Variants in RGS6 observed in about 807,000 individuals in gnomAD.
RGS6 encodes regulator of G-protein signaling 6.
A neutral mutation model predicts 78.5 loss-of-function variants in RGS6; 30 were observed. The observed-to-expected ratio is 0.38, with a 90% confidence interval of 0.29 to 0.52. The LOEUF is 0.52. RGS6 is among the 20% of genes least tolerant of loss of function. The pLI is 0.85. For synonymous variants in RGS6, 206 were observed against 206.0 expected, an observed-to-expected ratio of 1.00 and a Z score of 0.00; for missense variants, 495 against 609.7, an observed-to-expected ratio of 0.81 and a Z score of 1.98.
intron 1 of RGS6, among the ~76,000 whole-genome samples, chr14:71,961,207 G>A (rs74060423): frequency 9.2e-5 from 14 of 152,260 alleles, no homozygotes; most frequent in African/African-American, 3.4e-4. Flanking sequence ...AGAGGAGATG[G>A]GCTGGGATAT....
chr14:72,605,598 C>T, the RGS6 span, among the ~76,000 whole-genome samples: 1 of 152,224 alleles, frequency 6.6e-6, no homozygotes, highest in African/African-American at 2.4e-5. Context: ...CAGCAGAACA[C>T]CAAGACAGGC....
chr14:72,507,813 C>T (rs1206319040), intron 13 of RGS6, among the ~76,000 whole-genome samples: 1 of 152,226 alleles, frequency 6.6e-6, no homozygotes, highest in African/African-American at 2.4e-5. Context: ...AGTACCATCC[C>T]TGGAGAGCCC....
At chr14:72,542,898 A>T (rs2097345056) in intron 17 of RGS6, among the ~76,000 whole-genome samples, 1 of 152,146 alleles carries the variant, frequency 6.6e-6, no homozygotes, top group Admixed American at 6.5e-5. Context: ...TCCTAAGGAG[A>T]CATTTAATAT....
intron 2 of RGS6, among the ~76,000 whole-genome samples, chr14:72,144,505 A>G (rs1028654547): frequency 2.8e-4 from 42 of 152,172 alleles, no homozygotes; most frequent in African/African-American, 9.9e-4. Context: ...TAAGTCTTTT[A>G]TTCTGCAAGA....
rs144229471 is a variant in RGS6, at chr14:72,122,932, C to G, written c.84+158057C>G. Among the ~76,000 whole-genome samples, 1,064 of 152,200 alleles carry G rather than the reference C, an allele frequency of 7.0e-3. 36 individuals carry two copies. Among genetic ancestry groups the G allele is most frequent in the Admixed American group, 0.061 (930 of 15,288 alleles). ...TTCATCATTAAGATAAGATTACCTT[C>G]TAGATCTTAACATTTATGATCACAG... On this transcript the variant is annotated intron_variant, in intron 2 of 17. Coordinates refer to ENST00000553525, the MANE Select transcript of RGS6 (RefSeq NM_001204424.2).
In RGS6 at chr14:72,225,227, G is replaced by A. The variant is rs540827468; in HGVS notation, c.85-126868G>A. Among the ~76,000 whole-genome samples, 15 of 152,282 alleles carry A rather than the reference G, an allele frequency of 9.9e-5. 1 individual carries two copies. The South Asian group carries it at 3.1e-3, about 32-fold the overall frequency. ...TGATATTCTCTGGCATATGAGTTTT[G>A]CAACCTCAGGGTTAGTCTTGTGATA... On this transcript the variant is annotated intron_variant, in intron 2 of 17. Coordinates refer to ENST00000553525, the MANE Select transcript of RGS6 (RefSeq NM_001204424.2).
chr14:72,124,327 G>A (rs957720115), intron 2 of RGS6, among the ~76,000 whole-genome samples: 2 of 152,084 alleles, frequency 1.3e-5, no homozygotes, highest in Admixed American at 6.6e-5. Flanking sequence ...TGTACAGTTC[G>A]CAGGAAACCA....
intron 3 of RGS6, among the ~76,000 whole-genome samples, chr14:72,451,632 A>C (rs750618826): frequency 3.3e-5 from 5 of 152,234 alleles, no homozygotes; most frequent in Non-Finnish European, 5.9e-5. Context: ...TGAGTAATCA[A>C]TCTTGGCAGG....
chr14:72,420,581 AT>A (rs554578017), intron 3 of RGS6, among the ~76,000 whole-genome samples: 12 of 151,532 alleles, frequency 7.9e-5, no homozygotes, highest in Middle Eastern at 6.9e-3. Flanking sequence ...CTGTGAATTC[AT>A]TTTTTTCCCT....
chr14:72,466,970 A>T (rs544116781), intron 7 of RGS6, among the ~76,000 whole-genome samples: 1 of 152,316 alleles, frequency 6.6e-6, no homozygotes, highest in African/African-American at 2.4e-5. Flanking sequence ...TGTGTGTCAC[A>T]TGAGGTATCT....
intron 2 of RGS6, among the ~76,000 whole-genome samples, chr14:72,148,129 T>TA (rs35367140): frequency 0.057 from 3,849 of 67,526 alleles, 185 homozygotes; most frequent in Non-Finnish European, 0.075. Flanking sequence ...AGACTCCATC[T>TA]AAAAAAAAAA....
intron 2 of RGS6, among the ~76,000 whole-genome samples, chr14:72,102,459 G>T (rs889087951): frequency 4.6e-5 from 7 of 152,036 alleles, no homozygotes; most frequent in African/African-American, 1.7e-4. Flanking sequence ...GTTTTTTTGT[G>T]CATATTTATT....
chr14:72,297,099 C>A (rs972333679), intron 2 of RGS6, among the ~76,000 whole-genome samples: 1 of 151,974 alleles, frequency 6.6e-6, no homozygotes, highest in African/African-American at 2.4e-5. Flanking sequence ...ATATGTAGGG[C>A]TACTTTTGGG....
chr14:72,206,422 T>C (rs548844400), intron 2 of RGS6, among the ~76,000 whole-genome samples: 45 of 152,308 alleles, frequency 3.0e-4, no homozygotes, highest in Non-Finnish European at 4.9e-4. Flanking sequence ...GGAAAAGATA[T>C]ATACATATGG....
At chr14:71,899,967 T>A in the RGS6 span, among the ~76,000 whole-genome samples, 1 of 152,266 alleles carries the variant, frequency 6.6e-6, no homozygotes, top group African/African-American at 2.4e-5. Context: ...CAGAGGACAT[T>A]AACTCAACTT....
intron 3 of RGS6, among the ~76,000 whole-genome samples, chr14:72,425,355 T>C (rs2094390714): frequency 1.3e-5 from 2 of 152,122 alleles, no homozygotes; most frequent in African/African-American, 4.8e-5. Context: ...CCCAGGCTGG[T>C]CTCAAATTCC....
intron 1 of RGS6, among the ~76,000 whole-genome samples, chr14:71,944,557 G>T (rs1283769314): frequency 6.6e-6 from 1 of 152,180 alleles, no homozygotes; most frequent in African/African-American, 2.4e-5. Flanking sequence ...AGGAAAAAAT[G>T]CAGGGGATTT....
rs148546840 is a variant in RGS6, at chr14:72,129,619, T to C, written c.84+164744T>C. Among the ~76,000 whole-genome samples the C allele has an allele frequency of 4.0e-3, 611 of 152,252 alleles. 9 individuals are homozygous for C. The highest frequency in any genetic ancestry group is 0.027 in the East Asian group (138 of 5,176). ...AACTGAGGTTTCCGGTGGCTCCGCT[T>C]GACTACAGGGATGTTGGGCTGTCTC... On this transcript the variant is annotated intron_variant, in intron 2 of 17. Coordinates refer to ENST00000553525, the MANE Select transcript of RGS6 (RefSeq NM_001204424.2).
intron 2 of RGS6, among the ~76,000 whole-genome samples, chr14:72,349,798 G>A (rs1596116010): frequency 6.6e-6 from 1 of 152,338 alleles, no homozygotes; most frequent in East Asian, 1.9e-4. Context: ...GCCCGCAGCA[G>A]CAGAGGTGTA....
Sources: gnomAD v4.1 joint callset for allele counts (sites outside exome capture counted in the v4.1 genomes callset) on GRCh38, gnomAD v4.1.1 for gene constraint, MANE v1.5 for transcripts, NCBI Gene and HGNC (gene_info 2026-07-23, HGNC 2026-07-21) for gene names.